Variants in CFAP44 observed in about 807,000 individuals in gnomAD.
The protein encoded by CFAP44 is cilia and flagella associated protein 44.
A neutral mutation model predicts 216.2 loss-of-function variants in CFAP44; 134 were observed. The ratio of observed to expected loss-of-function variants is 0.62; its 90% CI spans 0.54 to 0.72. CFAP44 has a LOEUF of 0.72. Ranked by LOEUF, CFAP44 falls within the 30% of genes least tolerant of loss-of-function variation. The probability of loss-of-function intolerance (pLI) is 0.00; values close to 1 mark genes in which losing one functional copy is unlikely to be tolerated. For synonymous variants in CFAP44, 700 were observed against 727.6 expected (o/e 0.96, Z 0.61); for missense variants, 2,035 against 2,182.1 (o/e 0.93, Z 1.34).
chr3:113,351,420 C>T (rs1201469301), intron 22 of CFAP44, among the ~76,000 whole-genome samples: 2 of 152,122 alleles, frequency 1.3e-5, no homozygotes, highest in Non-Finnish European at 2.9e-5. Context: ...CTGGAATAGC[C>T]AGTTTATCTA....
In CFAP44 at chr3:113,417,908, T is replaced by C. The variant is rs761663946; in HGVS notation, c.571-1281A>G. 1.8e-4 allele frequency among the ~76,000 whole-genome samples: 28 copies of C among 152,140 alleles called. 1 individual carries two copies. Among genetic ancestry groups the C allele is most frequent in the Admixed American group, 6.6e-5 (1 of 15,262 alleles). On this transcript the variant is annotated intron_variant, in intron 5 of 34. Transcript: ENST00000393845. ...GTAAAGAAATATGGTGTAGAACATATGGTCAAAGAAATCTGGATGAAGATT... is the reference window on the plus strand; with the variant it reads ...GTAAAGAAATATGGTGTAGAACATACGGTCAAAGAAATCTGGATGAAGATT...
At chr3:113,410,417 C>G (rs1247118572) in intron 6 of CFAP44, among the ~76,000 whole-genome samples, 1 of 152,054 alleles carries the variant, frequency 6.6e-6, no homozygotes, top group Non-Finnish European at 1.5e-5. Context: ...TTTGTCCTTG[C>G]AATAGTTTGC....
At chr3:113,435,856 T>C (rs1407593520) in intron 1 of CFAP44, among the ~76,000 whole-genome samples, 1 of 127,286 alleles carries the variant, frequency 7.9e-6, no homozygotes, top group Non-Finnish European at 1.6e-5. Context: ...AAAGTGTATG[T>C]ACGTGTGTGT....
chr3:113,340,550 C>CT (rs1253902430), intron 24 of CFAP44, among the ~76,000 whole-genome samples: 2 of 152,186 alleles, frequency 1.3e-5, no homozygotes, highest in East Asian at 3.9e-4. Flanking sequence ...CCTTGTCCCC[C>CT]TCGCAGGGTG....
Position 113,400,660 on chromosome 3 carries a change from C to G in CFAP44, c.1375-16G>C. On this transcript the variant is annotated splice_polypyrimidine_tract_variant and intron_variant, in intron 11 of 34. Transcript: ENST00000393845. ...GGTCCTGGGTCTGAGAATAGATAGA[C>G]AGCTTACTAGATCTCAAAGACAGAG... 6.3e-7 allele frequency: 1 copy of G among 1,597,656 alleles called. No homozygotes were observed. The highest frequency in any genetic ancestry group is 8.6e-7 in the Non-Finnish European group (1 of 1,168,666).
chr3:113,428,518 G>A (rs12233528), intron 2 of CFAP44, among the ~76,000 whole-genome samples: 36,501 of 152,120 alleles, frequency 0.24, 5,237 homozygotes, highest in East Asian at 0.58. Context: ...TATTTCTCTA[G>A]TTTTTATAAT....
At chr3:113,310,734 T>G (rs1170876912) in intron 28 of CFAP44, among the ~76,000 whole-genome samples, 1 of 152,150 alleles carries the variant, frequency 6.6e-6, no homozygotes, top group African/African-American at 2.4e-5. Context: ...CCTCGAATAG[T>G]TTAGCACCAT....
At chr3:113,385,735 G>A (rs1933633370) in intron 15 of CFAP44, among the ~76,000 whole-genome samples, 1 of 151,906 alleles carries the variant, frequency 6.6e-6, no homozygotes, top group Non-Finnish European at 1.5e-5. Context: ...TGCCTCCCGG[G>A]TTCAAGCGAT....
chr3:113,385,819 T>C (rs1933636326), intron 15 of CFAP44, among the ~76,000 whole-genome samples: 1 of 151,574 alleles, frequency 6.6e-6, no homozygotes, highest in Non-Finnish European at 1.5e-5. Context: ...TATTTTTTTT[T>C]TTTTGGTAGA....
intron 25 of CFAP44, 40 bp from the exon 26 acceptor site, chr3:113,330,708 C>G (rs1200265756): frequency 6.7e-7 from 1 of 1,491,540 alleles, no homozygotes; most frequent in Non-Finnish European, 8.9e-7. Context: ...GTACAACCCT[C>G]TGACAAATAA....
chr3:113,371,932 C>A (rs566903264), intron 18 of CFAP44, among the ~76,000 whole-genome samples: 16 of 152,318 alleles, frequency 1.1e-4, no homozygotes, highest in African/African-American at 3.4e-4. Context: ...TGAACAGACA[C>A]TTCTCAATAG....
At chr3:113,408,825 T>TG (rs1271284017) in intron 7 of CFAP44, among the ~76,000 whole-genome samples, 1 of 142,530 alleles carries the variant, frequency 7.0e-6, no homozygotes, top group East Asian at 2.0e-4. Context: ...ATCATGCCAT[T>TG]GCACTCCAGC....
chr3:113,377,625 C>A (rs1356241790), intron 17 of CFAP44, among the ~76,000 whole-genome samples: 1 of 152,052 alleles, frequency 6.6e-6, no homozygotes, highest in Non-Finnish European at 1.5e-5. Flanking sequence ...TAAAGGACAT[C>A]TATTAAATTT....
At chr3:113,398,040 T>C (rs1934037640) in intron 13 of CFAP44, among the ~76,000 whole-genome samples, 1 of 152,156 alleles carries the variant, frequency 6.6e-6, no homozygotes, top group African/African-American at 2.4e-5. Flanking sequence ...TCAGTGACCA[T>C]CAGTTATGAG....
chr3:113,432,644 C>T (rs1291295828), intron 2 of CFAP44, among the ~76,000 whole-genome samples: 1 of 152,266 alleles, frequency 6.6e-6, no homozygotes, highest in East Asian at 1.9e-4. Flanking sequence ...GCTATCTCTC[C>T]GCCCTTGCAA....
At chr3:113,398,413 G>A (rs1241132209) in intron 13 of CFAP44, among the ~76,000 whole-genome samples, 76 of 152,176 alleles carry the variant, frequency 5.0e-4, no homozygotes, top group Non-Finnish European at 7.4e-5. Context: ...AAGGCAAGGG[G>A]GTATGGAGAA....
At chr3:113,324,606 C>T (rs1950173908) in intron 28 of CFAP44, among the ~76,000 whole-genome samples, 1 of 152,006 alleles carries the variant, frequency 6.6e-6, no homozygotes, top group African/African-American at 2.4e-5. Flanking sequence ...AGGTGAACTT[C>T]CTTAACTTAA....
At chr3:113,419,294 T>A (rs1205523295) in intron 5 of CFAP44, among the ~76,000 whole-genome samples, 2 of 151,348 alleles carry the variant, frequency 1.3e-5, no homozygotes, top group East Asian at 3.9e-4. Flanking sequence ...GTGTGTCTAG[T>A]TTTTTTTTCT....
chr3:113,337,238 C>T, intron 24 of CFAP44, among the ~76,000 whole-genome samples: 1 of 151,596 alleles, frequency 6.6e-6, no homozygotes, highest in Non-Finnish European at 1.5e-5. Context: ...TGCATATGTG[C>T]AAATCTAACA....
Sources: gnomAD v4.1 joint callset for allele counts (sites outside exome capture counted in the v4.1 genomes callset) on GRCh38, gnomAD v4.1.1 for gene constraint, MANE v1.5 for transcripts, NCBI Gene and HGNC (gene_info 2026-07-23, HGNC 2026-07-21) for gene names.